Variants in GREM2 observed in about 807,000 individuals in gnomAD.
GREM2 encodes the protein gremlin 2, DAN family BMP antagonist, also known as gremlin-2.
GREM2 carries 11 observed loss-of-function variants against 14.2 expected under a neutral mutation model. The observed-to-expected ratio is 0.78, with a 90% CI of 0.49 to 1.28. The LOEUF (loss-of-function observed/expected upper bound fraction) is 1.28, where lower values mean the gene tolerates loss of function less well. Among genes scored for constraint, GREM2 ranks in the 50% most tolerant of loss-of-function variants. The pLI is 0.00. For synonymous variants in GREM2, 98 were observed against 97.6 expected (o/e 1.00, Z -0.02); for missense variants, 210 against 218.5 (o/e 0.96, Z 0.24).
chr1:240,530,893 C>T (rs775008024), intron 1 of GREM2: 122 of 117,354 alleles, frequency 1.0e-3, no homozygotes, highest in African/African-American at 3.0e-3. Context: ...TAGTAAAAAA[C>T]GAAGGAAATG....
intron 1 of GREM2, among the ~76,000 whole-genome samples, chr1:240,527,022 G>C (rs976925034): frequency 6.6e-6 from 1 of 152,154 alleles, no homozygotes; most frequent in Non-Finnish European, 1.5e-5. Context: ...AGACTAGTGA[G>C]ATGGCTGAGA....
intron 1 of GREM2, among the ~76,000 whole-genome samples, chr1:240,499,578 A>G (rs1320234355): frequency 6.6e-6 from 1 of 152,148 alleles, no homozygotes; most frequent in East Asian, 1.9e-4. Context: ...TTCATCGATG[A>G]CTTGGATTCT....
intron 1 of GREM2, among the ~76,000 whole-genome samples, chr1:240,602,791 G>T (rs529350543): frequency 2.6e-4 from 40 of 151,776 alleles, no homozygotes; most frequent in African/African-American, 8.7e-4. Flanking sequence ...CTCCAGCCTG[G>T]TGACAGAGCG....
chr1:240,508,681 A>G (rs1677733836), intron 1 of GREM2, among the ~76,000 whole-genome samples: 1 of 152,212 alleles, frequency 6.6e-6, no homozygotes. Flanking sequence ...TTTTCCATAG[A>G]GCAAGTTCTA....
rs576191846 is a variant in GREM2 at position 240,542,888 on chromosome 1, G to A, written c.-1-49412C>T. On this transcript the variant is annotated intron_variant, in intron 1 of 1. Coordinates refer to ENST00000318160, the MANE Select transcript of GREM2 (RefSeq NM_022469.4). This position sits in a 1 kb window ranked among gnomAD's most constrained non-coding sequence, Gnocchi z 4.1. The stretch of plus-strand genomic sequence containing the variant: ...GCCTCCTAGTACACTGAAGATTCTT[G>A]GAAAATTATTGATCCTCTCTGAGAA... 1.4e-3 allele frequency among the ~76,000 whole-genome samples: 219 copies of A among 152,168 alleles called. 1 individual carries two copies. Among genetic ancestry groups the A allele is most frequent in the African/African-American group, 4.9e-3 (204 of 41,514 alleles).
chr1:240,583,271 A>C (rs1679526058), intron 1 of GREM2, among the ~76,000 whole-genome samples: 1 of 152,226 alleles, frequency 6.6e-6, no homozygotes, highest in Non-Finnish European at 1.5e-5. Context: ...AAGGGCAAAA[A>C]AATGCTCAGC....
rs149021416 is a variant in GREM2, at chr1:240,579,038, T to C, written c.-2+32846A>G. ...GCACTTTCTAGGTCAGAAGATGCTTTCTCTTTTCCCTTCAGACTCTCATTG... is the reference window on the plus strand; with the variant it reads ...GCACTTTCTAGGTCAGAAGATGCTTCCTCTTTTCCCTTCAGACTCTCATTG... On this transcript the variant is annotated intron_variant, in intron 1 of 1. Coordinates refer to ENST00000318160, the MANE Select transcript of GREM2 (RefSeq NM_022469.4). Among the ~76,000 whole-genome samples the C allele has an allele frequency of 3.5e-3, 531 of 152,290 alleles. 5 individuals carry two copies. Among genetic ancestry groups the C allele is most frequent in the Admixed American group, 5.4e-3 (83 of 15,286 alleles).
intron 1 of GREM2, among the ~76,000 whole-genome samples, chr1:240,590,004 A>G (rs1381583724): frequency 1.3e-5 from 2 of 152,176 alleles, no homozygotes. Context: ...GTTGGCTCCC[A>G]GGACACATGG....
chr1:240,563,241 G>A (rs1451658453), intron 1 of GREM2, among the ~76,000 whole-genome samples: 1 of 151,988 alleles, frequency 6.6e-6, no homozygotes, highest in Non-Finnish European at 1.5e-5. Flanking sequence ...GAGTGTGTGT[G>A]TATGCACAGG....
At chr1:240,609,035 TTCA>T in intron 1 of GREM2, among the ~76,000 whole-genome samples, 1 of 152,330 alleles carries the variant, frequency 6.6e-6, no homozygotes, top group Middle Eastern at 3.4e-3. Context: ...ATTTAAAATA[TTCA>T]GGATGTCTCA....
rs971409823 is a variant in GREM2 at position 240,490,719 on chromosome 1, G to A, written c.*2250C>T. The A allele has an allele frequency of 6.6e-6, 1 of 152,230 alleles. No homozygotes were observed. Among genetic ancestry groups the A allele is most frequent in the African/African-American group, 2.4e-5 (1 of 41,446 alleles). 9.4% of individuals were successfully genotyped at this position (152,230 alleles called of 1,614,324 possible). The stretch of plus-strand genomic sequence containing the variant: ...CTACACCCACAATTGGGTTCGAAGA[G>A]AGTGTGCTCGTGTTTGCATTCTGTA... On this transcript the variant is annotated 3_prime_UTR_variant, in exon 2 of 2. Transcript: ENST00000318160.
chr1:240,547,979 C>T (rs1360754021), intron 1 of GREM2, among the ~76,000 whole-genome samples: 2 of 151,640 alleles, frequency 1.3e-5, no homozygotes, highest in Admixed American at 6.6e-5. Flanking sequence ...AAGAAAGACG[C>T]GGCTGGGCAT....
intron 1 of GREM2, among the ~76,000 whole-genome samples, chr1:240,502,653 A>G (rs964175022): frequency 2.0e-5 from 3 of 152,144 alleles, no homozygotes; most frequent in Non-Finnish European, 4.4e-5. Flanking sequence ...CCCACTCATC[A>G]TTCCTCTGAT....
At chr1:240,510,721 G>C (rs1387704305) in intron 1 of GREM2, among the ~76,000 whole-genome samples, 2 of 152,072 alleles carry the variant, frequency 1.3e-5, no homozygotes, top group African/African-American at 4.8e-5. Context: ...TTCAGTCTGT[G>C]GTTAACATTT....
chr1:240,526,326 G>A (rs1198020442), intron 1 of GREM2, among the ~76,000 whole-genome samples: 1 of 152,166 alleles, frequency 6.6e-6, no homozygotes, highest in African/African-American at 2.4e-5. Context: ...TGCAACGGAT[G>A]GGTAGTTTGG....
chr1:240,565,994 AG>A (rs1396484817), intron 1 of GREM2, among the ~76,000 whole-genome samples: 2 of 152,074 alleles, frequency 1.3e-5, no homozygotes, highest in Non-Finnish European at 2.9e-5. Context: ...ATTTTTTTGC[AG>A]GGGTTTGCAT....
At chr1:240,493,602 G>A in intron 1 of GREM2, 126 bp from the exon 2 acceptor site, 1 of 1,135,140 alleles carries the variant, frequency 8.8e-7, no homozygotes, top group Non-Finnish European at 1.2e-6. Flanking sequence ...GCAGGGGCAC[G>A]TAGCTTGCTG....
chr1:240,515,852 A>G (rs1055915023), intron 1 of GREM2, among the ~76,000 whole-genome samples: 1 of 152,198 alleles, frequency 6.6e-6, no homozygotes, highest in African/African-American at 2.4e-5. Context: ...TTTCAAACCA[A>G]CTATATTGTT....
chr1:240,583,778 A>G (rs1297312010), intron 1 of GREM2, among the ~76,000 whole-genome samples: 1 of 151,720 alleles, frequency 6.6e-6, no homozygotes, highest in Non-Finnish European at 1.5e-5. Flanking sequence ...ACTTTTTTGT[A>G]TTTTTAGTAG....
Sources: allele counts gnomAD v4.1 joint callset (sites outside exome capture counted in the v4.1 genomes callset), GRCh38; gene constraint gnomAD v4.1.1; non-coding constraint Gnocchi (gnomAD v3.1); transcripts MANE v1.5; gene names NCBI Gene and HGNC (gene_info 2026-07-23, HGNC 2026-07-21).